Variants in MACF1 observed in about 807,000 individuals in gnomAD.
MACF1 encodes the protein microtubule-actin cross-linking factor 1.
MACF1 carries 193 observed loss-of-function variants against 854.8 expected under a neutral mutation model. That is an observed-to-expected ratio of 0.23 (90% confidence interval 0.20 to 0.25). MACF1 has a LOEUF of 0.25. Among genes scored for constraint, MACF1 ranks in the 10% least tolerant of loss-of-function variants. The probability of loss-of-function intolerance (pLI) is 1.00; values close to 1 mark genes in which losing one functional copy is unlikely to be tolerated. For missense variants in MACF1, 7,722 were observed against 8,929.1 expected, an observed-to-expected ratio of 0.86 and a Z score of 5.45; for synonymous variants, 3,185 against 3,226.7, an observed-to-expected ratio of 0.99 and a Z score of 0.44.
chr1:39,295,136 A>C lies in MACF1; in HGVS notation c.2245A>C (p.Lys749Gln). Residue 749 changes from lysine (K) to glutamine (Q), a missense_variant, in exon 19 of 101, where the codon AAG (lysine) becomes CAG (glutamine). Lys to Gln is a moderately conservative substitution (Grantham distance 53). Transcript: ENST00000564288. The part of the protein sequence containing the change: ...ELLSLENHPA[K>Q]QTVEAYSAAV... ...ACTTTCACTTGAGAACCACCCAGCC[A>C]AGCAGACAGTGGAGGTGTGTGACTT... 1.2e-6 allele frequency: 2 copies of C among 1,613,908 alleles called. No homozygotes were observed.
intron 2 of MACF1, among the ~76,000 whole-genome samples, chr1:39,159,939 A>G (rs1425129623): frequency 6.6e-6 from 1 of 152,086 alleles, no homozygotes; most frequent in East Asian, 1.9e-4. Flanking sequence ...TTGCCAGGGT[A>G]TGTAGATGTT....
Position 39,105,595 on chromosome 1 carries a change from G to C in MACF1, c.220+21157G>C. ...CGGGCCTGGAACCGGCAGCCCCCGG[G>C]GCTCGGCGAGAAGGCGGTGCGGGCG... is the stretch of plus-strand genomic sequence containing the variant. On this transcript the variant is annotated intron_variant, in intron 2 of 93. Transcript: ENST00000361689. The surrounding 1 kb of genome is among the most constrained non-coding windows in gnomAD (Gnocchi z 5.9). 1 of 1,214,626 alleles carries C rather than the reference G, an allele frequency of 8.2e-7. No individual in the cohort carries two copies. Among genetic ancestry groups the C allele is most frequent in the South Asian group, 1.4e-5 (1 of 72,658 alleles). 75.2% of individuals were successfully genotyped at this position (1,214,626 alleles called of 1,614,324 possible). A position where few individuals can be genotyped will look rare whatever the true frequency, so the allele number is the denominator to read the frequency against.
intron 58 of MACF1, chr1:39,411,643 GAC>G (rs1643011362): frequency 6.2e-7 from 1 of 1,613,832 alleles, no homozygotes; most frequent in African/African-American, 1.3e-5. Context: ...ACAGCTCTCT[GAC>G]ACAGACTCAG....
intron 2 of MACF1, among the ~76,000 whole-genome samples, chr1:39,125,771 C>T (rs559722610): frequency 2.6e-5 from 4 of 152,260 alleles, no homozygotes; most frequent in African/African-American, 9.6e-5. Context: ...GTGGGCGGAT[C>T]GCCTGAGGTC....
chr1:39,474,827 T>C (rs61779309), intron 97 of MACF1, among the ~76,000 whole-genome samples: 23,980 of 152,240 alleles, frequency 0.16, 2,364 homozygotes, highest in Middle Eastern at 0.22. Context: ...AAAGGAGGTG[T>C]TGCTTCAGCC....
intron 100 of MACF1, 103 bp from the exon 101 acceptor site, chr1:39,485,435 A>G: frequency 7.6e-7 from 1 of 1,319,910 alleles, no homozygotes. Flanking sequence ...AGGCTGTGAG[A>G]TTTGCTTAAG....
intron 40 of MACF1, among the ~76,000 whole-genome samples, chr1:39,345,244 T>C (rs2148491129): frequency 6.6e-6 from 1 of 152,302 alleles, no homozygotes; most frequent in South Asian, 2.1e-4. Context: ...GGGAAAAATA[T>C]AACTATAACA....
At chr1:39,087,709 T>C (rs1003059603) in intron 2 of MACF1, among the ~76,000 whole-genome samples, 2 of 152,190 alleles carry the variant, frequency 1.3e-5, no homozygotes, top group Non-Finnish European at 2.9e-5. Context: ...TCAGAGGGTT[T>C]AGGGGACTTG....
At chr1:39,439,896 A>G (rs1262685872) in intron 72 of MACF1, among the ~76,000 whole-genome samples, 2 of 151,102 alleles carry the variant, frequency 1.3e-5, no homozygotes, top group East Asian at 3.9e-4. Context: ...GTGAGCCACC[A>G]CTCCAGGCCT....
chr1:39,187,708 TA>T, intron 2 of MACF1, among the ~76,000 whole-genome samples: 1 of 152,310 alleles, frequency 6.6e-6, no homozygotes. Context: ...GCAGATTTTT[TA>T]AAAAATTATT....
chr1:39,350,021 C>A (rs1647143614), intron 42 of MACF1, among the ~76,000 whole-genome samples: 1 of 152,124 alleles, frequency 6.6e-6, no homozygotes, highest in Non-Finnish European at 1.5e-5. Flanking sequence ...GTGAAGCACA[C>A]AGTCTAGCAG....
intron 2 of MACF1, among the ~76,000 whole-genome samples, chr1:39,120,430 T>A (rs1466031761): frequency 6.6e-6 from 1 of 151,966 alleles, no homozygotes; most frequent in African/African-American, 2.4e-5. Context: ...AGTGGCGCTG[T>A]CTCTGCTCAC....
intron 58 of MACF1, among the ~76,000 whole-genome samples, chr1:39,394,657 G>A (rs1642202612): frequency 6.6e-6 from 1 of 152,162 alleles, no homozygotes; most frequent in Admixed American, 6.5e-5. Flanking sequence ...GGAAGACAGG[G>A]CCCAGCATGG....
At chr1:39,190,441 C>G (rs1424394437) in intron 2 of MACF1, among the ~76,000 whole-genome samples, 1 of 121,614 alleles carries the variant, frequency 8.2e-6, no homozygotes, top group Non-Finnish European at 1.7e-5. Context: ...GCTTTGTCAC[C>G]CAGGTTGAAG....
chr1:39,417,975 T>TGG (rs1173895263), intron 58 of MACF1, among the ~76,000 whole-genome samples: 1 of 151,788 alleles, frequency 6.6e-6, no homozygotes, highest in Non-Finnish European at 1.5e-5. Flanking sequence ...TTATACTGAG[T>TGG]GGAGGAGGCA....
Position 39,442,796 on chromosome 1 carries a change from C to T in MACF1, c.19187C>T (p.Ala6396Val). 6.2e-7 allele frequency: 1 copy of T among 1,614,122 alleles called. No homozygotes were observed. The highest frequency in any genetic ancestry group is 8.5e-7 in the Non-Finnish European group (1 of 1,180,012). Residue 6396 changes from alanine to valine, a missense_variant, in exon 78 of 101, where the codon GCT (alanine) becomes GTT (valine). Around this residue, in one of 15 missense-constraint regions of MACF1, gnomAD observed 729 missense variants for 900.5 expected, o/e 0.81. Transcript: ENST00000564288. ...GGCAATGAGCTTCTTGAATCCAGTG[C>T]TGGAGATGATGCCAGCAGCTTAAGG... ...KAGNELLESSAGDDASSLRSR... is the reference protein window; with the variant it reads ...KAGNELLESSVGDDASSLRSR...
At chr1:39,247,068 A>AT (rs58410726) in intron 2 of MACF1, among the ~76,000 whole-genome samples, 58,757 of 93,522 alleles carry the variant, frequency 0.63, 20,041 homozygotes, top group South Asian at 0.72. Context: ...TGCCCGGCTA[A>AT]TTTTTTTTTT....
At chr1:39,392,262 A>G (rs925552801) in intron 58 of MACF1, among the ~76,000 whole-genome samples, 10 of 152,182 alleles carry the variant, frequency 6.6e-5, no homozygotes, top group African/African-American at 2.2e-4. Flanking sequence ...TGTCAGTTCC[A>G]TAGTCCCCAG....
chr1:39,240,634 G>A (rs990192395), intron 2 of MACF1, among the ~76,000 whole-genome samples: 37 of 152,186 alleles, frequency 2.4e-4, no homozygotes, highest in Non-Finnish European at 3.5e-4. Context: ...GAGTAGCTGG[G>A]ATTACAGGCA....
Sources: gnomAD v4.1 joint callset for allele counts (sites outside exome capture counted in the v4.1 genomes callset) on GRCh38, gnomAD v4.1.1 for gene constraint, gnomAD v4.1.1 regional missense constraint, Gnocchi (gnomAD v3.1) non-coding constraint, MANE v1.5 for transcripts, NCBI Gene and HGNC (gene_info 2026-07-23, HGNC 2026-07-21) for gene names.